ATP2A3: variants seen among roughly 807,000 people sequenced by gnomAD.
ATP2A3 encodes ATPase sarcoplasmic/endoplasmic reticulum Ca2+ transporting 3, also known as sarcoplasmic/endoplasmic reticulum calcium ATPase 3.
ATP2A3 carries 61 observed loss-of-function variants against 106.8 expected under a neutral mutation model. The observed-to-expected ratio is 0.57, with a 90% CI of 0.46 to 0.71. The LOEUF (loss-of-function observed/expected upper bound fraction) is 0.71, where lower values mean the gene tolerates loss of function less well. Ranked by LOEUF, ATP2A3 falls within the 30% of genes least tolerant of loss-of-function variation. ATP2A3 has a pLI of 0.00. For missense variants in ATP2A3, 1,201 were observed against 1,423.5 expected, an observed-to-expected ratio of 0.84 and a Z score of 2.52; for synonymous variants, 611 against 609.3, an observed-to-expected ratio of 1.00 and a Z score of -0.04.
Position 3,947,905 on chromosome 17 carries a change from C to A in ATP2A3, c.631-50G>T, listed in dbSNP as rs1389069011. ...AAGCTGCTCAGCAGCCAACCAGGGG[C>A]CCAGGACCCCTGACTCCTTCAGGCC... is the stretch of plus-strand genomic sequence containing the variant. On this transcript the variant is annotated intron_variant, in intron 7 of 20. Transcript: ENST00000397041. This position sits in a 1 kb window ranked among gnomAD's most constrained non-coding sequence, Gnocchi z 7.7. The A allele has an allele frequency of 6.4e-7, 1 of 1,564,204 alleles. No individual in the cohort carries two copies. Among genetic ancestry groups the A allele is most frequent in the Admixed American group, 1.7e-5 (1 of 59,272 alleles).
intron 17 of ATP2A3, among the ~76,000 whole-genome samples, chr17:3,931,974 G>GT (rs955114344): frequency 6.6e-6 from 1 of 152,176 alleles, no homozygotes; most frequent in Non-Finnish European, 1.5e-5. Flanking sequence ...GCCACTCTGA[G>GT]TATCGTTTCT....
In ATP2A3 at chr17:3,928,338, A is replaced by G. The variant is rs1597562150; in HGVS notation, c.2980+325T>C. ...CTGGATAAAGACAGGCTGGGTGCAG[A>G]GGGGTCAGAGGCTGAGGCCCAGAAG... On this transcript the variant is annotated intron_variant, in intron 20 of 20. Transcript: ENST00000397041. The surrounding 1 kb of genome is among the most constrained non-coding windows in gnomAD (Gnocchi z 6.1). The G allele has an allele frequency of 6.2e-7, 1 of 1,611,454 alleles. No individual in the cohort carries two copies.
chr17:3,933,067 A>G lies in ATP2A3; in HGVS notation c.2610+2125T>C, dbSNP rs182391883. 5.8e-3 allele frequency among the ~76,000 whole-genome samples: 874 copies of G among 151,570 alleles called. 48 individuals are homozygous for G. The highest frequency in any genetic ancestry group is 0.02 in the African/African-American group (833 of 41,010). On this transcript the variant is annotated intron_variant, in intron 17 of 20. Coordinates refer to ENST00000397041, the MANE Select transcript of ATP2A3 (RefSeq NM_005173.4). The stretch of plus-strand genomic sequence containing the variant: ...GAGGCCAAGGCGGGCAGATCACCTG[A>G]GGTCAGGAGTTCGAGACCAGCCTGG...
intron 11 of ATP2A3, among the ~76,000 whole-genome samples, chr17:3,943,090 C>T (rs539785783): frequency 6.6e-6 from 1 of 152,234 alleles, no homozygotes; most frequent in South Asian, 2.1e-4. Flanking sequence ...GAGTTTCAGA[C>T]TAGCCCGGAC....
In ATP2A3 at chr17:3,943,444, C is replaced by G; in HGVS notation, c.1366G>C (p.Asp456His). Residue 456 changes from aspartate (D) to histidine (H), a missense_variant, in exon 11 of 21, where the codon GAC becomes CAC. Physicochemically the swap from Asp to His is moderately conservative, Grantham distance 81. Coordinates refer to ENST00000397041, the MANE Select transcript of ATP2A3 (RefSeq NM_005173.4). ...TCLVEKMNVF[D>H]TDLQALSRVE... is the part of the protein sequence containing the mutation. The stretch of plus-strand genomic sequence containing the variant: ...CGGGACAGAGCCTGCAGGTCGGTGT[C>G]GAACACGTTCATCTTCTCCACCAGG... 1.2e-6 allele frequency: 2 copies of G among 1,614,106 alleles called. No individual in the cohort carries two copies. The highest frequency in any genetic ancestry group is 1.7e-6 in the Non-Finnish European group (2 of 1,179,998).
At position 3,945,143 on chromosome 17, in the gene ATP2A3, G is replaced by A; in HGVS notation, c.1101C>T (p.Phe367=). ...TTNQMSVCRM[F]VVAEADAGSC... ...AGCCCGCATCGGCCTCGGCTACCAC[G>A]AACATCTGGGGAGCGCAGGGGCGTG... Residue 367 remains phenylalanine (F), a synonymous_variant, in exon 9 of 21, where the codon TTC becomes TTT. Coordinates refer to ENST00000397041, the MANE Select transcript of ATP2A3 (RefSeq NM_005173.4). The A allele has an allele frequency of 6.5e-7, 1 of 1,547,672 alleles. No individual in the cohort carries two copies. Among genetic ancestry groups the A allele is most frequent in the Non-Finnish European group, 8.7e-7 (1 of 1,145,778 alleles).
chr17:3,928,538 C>T lies in ATP2A3; in HGVS notation c.2980+125G>A, dbSNP rs1486326698. 1.2e-5 allele frequency: 12 copies of T among 1,030,266 alleles called. 1 individual carries two copies. The highest frequency in any genetic ancestry group is 2.8e-5 in the South Asian group (2 of 71,858). The allele number at this position is 1,030,266 out of a possible 1,614,324, so 63.8% of individuals were successfully genotyped here. The stretch of plus-strand genomic sequence containing the variant: ...CCTTCACACCCTCCACTTGGTGATC[C>T]GAGAACGCCTCCCCGATGTGCAGAC... On this transcript the variant is annotated intron_variant, in intron 20 of 20. Coordinates refer to ENST00000397041, the MANE Select transcript of ATP2A3 (RefSeq NM_005173.4). The surrounding 1 kb of genome is among the most constrained non-coding windows in gnomAD (Gnocchi z 6.1).
chr17:3,930,558 C>A lies in ATP2A3; in HGVS notation c.2611-124G>T. ...GCACAACCAGCACACAAAACACTGCCGTGGGGTGGGCTGGGGATCCCGGGA... is the reference window on the plus strand; with the variant it reads ...GCACAACCAGCACACAAAACACTGCAGTGGGGTGGGCTGGGGATCCCGGGA... On this transcript the variant is annotated intron_variant, in intron 17 of 20. Transcript: ENST00000397041. The surrounding 1 kb of genome is among the most constrained non-coding windows in gnomAD (Gnocchi z 5.4). 2.4e-6 allele frequency: 2 copies of A among 836,044 alleles called. No individual in the cohort carries two copies. The highest frequency in any genetic ancestry group is 1.4e-5 in the South Asian group (1 of 72,160). The allele number at this position is 836,044 out of a possible 1,614,324, so 51.8% of individuals were successfully genotyped here.
At chr17:3,950,444 G>A (rs1800918) in intron 7 of ATP2A3, 67 bp downstream of exon 7, 60,677 of 1,544,864 alleles carry the variant, frequency 0.039, 1,356 homozygotes, top group Non-Finnish European at 0.047. Context: ...GATTACAGGC[G>A]TGATCATAAT....
chr17:3,964,135 G>A (rs2055300460), intron 1 of ATP2A3, 39 bp downstream of exon 1: 1 of 1,043,752 alleles, frequency 9.6e-7, no homozygotes, highest in Non-Finnish European at 1.2e-6. Context: ...CGGCGCGCGC[G>A]GCCCCCGCTC....
chr17:3,943,760 C>A (rs2053921501), intron 10 of ATP2A3, among the ~76,000 whole-genome samples: 1 of 152,206 alleles, frequency 6.6e-6, no homozygotes, highest in Non-Finnish European at 1.5e-5. Context: ...CCTCCGCCTG[C>A]ATCTCTGTCC....
At chr17:3,940,033 TTTTTTTTTTGTTTTTTG>T (rs935406312) in intron 14 of ATP2A3, among the ~76,000 whole-genome samples, 2 of 117,958 alleles carry the variant, frequency 1.7e-5, no homozygotes, top group African/African-American at 8.4e-5. Context: ...TGTCATATCT[TTTTTTTTTTGTTTTTTG>T]TTTTTTTTTT....
intron 17 of ATP2A3, among the ~76,000 whole-genome samples, chr17:3,932,387 A>G (rs903156373): frequency 7.3e-5 from 11 of 150,832 alleles, no homozygotes; most frequent in Admixed American, 7.3e-4. Flanking sequence ...CAAGTGATCC[A>G]CCCGCCTCGG....
At position 3,955,510 on chromosome 17, in the gene ATP2A3, A is replaced by C. The variant is rs2054722260; in HGVS notation, c.119-1800T>G. On this transcript the variant is annotated intron_variant, in intron 1 of 20. Transcript: ENST00000397041. This position sits in a 1 kb window ranked among gnomAD's most constrained non-coding sequence, Gnocchi z 4.2. Reference sequence around the variant, plus strand: ...TGTCCTGCGTCGAGATTAAAATCAAACAGACTTTTTCCTTCTGATCTATTT... The same window carrying C: ...TGTCCTGCGTCGAGATTAAAATCAACCAGACTTTTTCCTTCTGATCTATTT... 6.6e-6 allele frequency among the ~76,000 whole-genome samples: 1 copy of C among 152,232 alleles called. No homozygotes were observed. The highest frequency in any genetic ancestry group is 2.4e-5 in the African/African-American group (1 of 41,454).
At position 3,951,381 on chromosome 17, in the gene ATP2A3, G is replaced by A. The variant is rs774597476; in HGVS notation, c.333C>T (p.Asn111=). The A allele has an allele frequency of 2.2e-5, 35 of 1,613,600 alleles. No homozygotes were observed. Among genetic ancestry groups the A allele is most frequent in the South Asian group, 1.8e-4 (16 of 91,076 alleles). ...TCAGGGCCTCGATGGCACTCTCGGC[G>A]TTGCGTTCCTGCAGAATAGAAGGCC... ...NAIVGVWQER[N]AESAIEALKE... is the part of the protein sequence containing the mutation. Residue 111 remains asparagine, a synonymous_variant, in exon 5 of 21, where the codon AAC becomes AAT. Coordinates refer to ENST00000397041, the MANE Select transcript of ATP2A3 (RefSeq NM_005173.4).
Position 3,936,555 on chromosome 17 carries a change from G to A in ATP2A3, c.2322-86C>T, listed in dbSNP as rs2053454355. The A allele has an allele frequency of 6.9e-7, 1 of 1,444,664 alleles. No individual in the cohort carries two copies. The highest frequency in any genetic ancestry group is 9.7e-7 in the Non-Finnish European group (1 of 1,032,416). The allele number at this position is 1,444,664 out of a possible 1,614,324, so 89.5% of individuals were successfully genotyped here. A position where few individuals can be genotyped will look rare whatever the true frequency, so the allele number is the denominator to read the frequency against. On this transcript the variant is annotated intron_variant, in intron 15 of 20. Transcript: ENST00000397041. This position sits in a 1 kb window ranked among gnomAD's most constrained non-coding sequence, Gnocchi z 5.4. ...AGCTCCTGCTCAGACCCAAGGCTGG[G>A]AGCTCACCCACCCACTGTCTCCACA...
rs2052629854 is a variant in ATP2A3 at position 3,925,060 on chromosome 17, G to C, written c.*362C>G. On this transcript the variant is annotated 3_prime_UTR_variant, in exon 21 of 21. Coordinates refer to ENST00000397041, the MANE Select transcript of ATP2A3 (RefSeq NM_005173.4). This position sits in a 1 kb window ranked among gnomAD's most constrained non-coding sequence, Gnocchi z 4.2. ...CCAGCTTCCGAACAAGGGGGAGCAA[G>C]CTCCAGCTGCACTCGTGATTTGGGG... is the stretch of plus-strand genomic sequence containing the variant. 2.1e-6 allele frequency: 1 copy of C among 476,328 alleles called. No individual in the cohort carries two copies. Among genetic ancestry groups the C allele is most frequent in the African/African-American group, 2.0e-5 (1 of 51,022 alleles). 29.5% of individuals were successfully genotyped at this position (476,328 alleles called of 1,614,324 possible). A position where few individuals can be genotyped will look rare whatever the true frequency, so the allele number is the denominator to read the frequency against.
At chr17:3,959,640 T>G (rs2055027548) in intron 1 of ATP2A3, among the ~76,000 whole-genome samples, 1 of 152,222 alleles carries the variant, frequency 6.6e-6, no homozygotes, top group Admixed American at 6.5e-5. Context: ...CTCACCCAGG[T>G]CTTCCTCAAA....
rs761591190 is a variant in ATP2A3, at chr17:3,951,252, T to C, written c.462A>G (p.Ala154=). The change falls in exon 5 of 21, where the codon GCA becomes GCG. Residue 154 remains alanine (A), a splice_region_variant and synonymous_variant. Coordinates refer to ENST00000397041, the MANE Select transcript of ATP2A3 (RefSeq NM_005173.4). ...DIVPGDIVEV[A]VGDKVPADLR... is the part of the protein sequence containing the mutation. Reference sequence around the variant, plus strand: ...TAAAAGGAGGAGGCCCCGGCATACCTGCCACTTCTACAATGTCCCCTGGGA... The same window carrying C: ...TAAAAGGAGGAGGCCCCGGCATACCCGCCACTTCTACAATGTCCCCTGGGA... 9 of 1,571,046 alleles carry C rather than the reference T, an allele frequency of 5.7e-6. No individual in the cohort carries two copies. The highest frequency in any genetic ancestry group is 1.2e-5 in the South Asian group (1 of 82,768).
Sources: allele counts gnomAD v4.1 joint callset (sites outside exome capture counted in the v4.1 genomes callset), GRCh38; gene constraint gnomAD v4.1.1; non-coding constraint Gnocchi (gnomAD v3.1); transcripts MANE v1.5; gene names NCBI Gene and HGNC (gene_info 2026-07-23, HGNC 2026-07-21).